RSF1: variants seen among roughly 807,000 people sequenced by gnomAD.
RSF1 encodes HBV pX-associated protein 8.
In RSF1, 13 loss-of-function variants were observed where a neutral mutation model predicts 145.2. The observed-to-expected ratio is 0.09, with a 90% CI of 0.06 to 0.14. RSF1 has a LOEUF of 0.14. Ranked by LOEUF, RSF1 falls within the 10% of genes least tolerant of loss-of-function variation. RSF1 has a pLI of 1.00. For missense variants in RSF1, 1,517 were observed against 1,718.2 expected (o/e 0.88, Z 2.07); for synonymous variants, 577 against 592.6 (o/e 0.97, Z 0.38).
intron 1 of RSF1, among the ~76,000 whole-genome samples, chr11:77,801,214 G>A (rs1417476658): frequency 6.6e-6 from 1 of 151,944 alleles, no homozygotes; most frequent in Non-Finnish European, 1.5e-5. Flanking sequence ...GATCACCTGA[G>A]GTCAGGAGTT....
the RSF1 span, among the ~76,000 whole-genome samples, chr11:77,859,201 G>T: frequency 2.0e-5 from 3 of 152,224 alleles, no homozygotes; most frequent in African/African-American, 7.2e-5. Context: ...GAGTACAGGG[G>T]CTTGGTTTCC....
rs746751005 is a variant in RSF1 at position 77,740,714 on chromosome 11, G to C, written c.578+17C>G. Reference sequence around the variant, plus strand: ...AAAACACACAAATAAGTGTAAAAAGGTTCCAATAAAAGATACCTGACAATG... The same window carrying C: ...AAAACACACAAATAAGTGTAAAAAGCTTCCAATAAAAGATACCTGACAATG... On this transcript the variant is annotated intron_variant, in intron 4 of 15. Coordinates refer to ENST00000308488, the MANE Select transcript of RSF1 (RefSeq NM_016578.4). The C allele has an allele frequency of 6.3e-7, 1 of 1,598,080 alleles. No homozygotes were observed. The highest frequency in any genetic ancestry group is 8.6e-7 in the Non-Finnish European group (1 of 1,165,846).
chr11:77,705,234 G>T (rs189945295), intron 5 of RSF1, among the ~76,000 whole-genome samples: 85 of 152,224 alleles, frequency 5.6e-4, no homozygotes, highest in Middle Eastern at 6.8e-3. Context: ...TTTGTCAAAA[G>T]AAAGTTGTAA....
intron 1 of RSF1, among the ~76,000 whole-genome samples, chr11:77,805,097 C>T (rs1433362231): frequency 6.6e-6 from 1 of 152,072 alleles, no homozygotes; most frequent in Non-Finnish European, 1.5e-5. Flanking sequence ...AAAGGATGTC[C>T]AATAAGTATC....
intron 1 of RSF1, among the ~76,000 whole-genome samples, chr11:77,766,799 C>T (rs1948230789): frequency 6.6e-6 from 1 of 152,078 alleles, no homozygotes. Flanking sequence ...TGGAGGAAGA[C>T]AGATTTTTAA....
upstream of RSF1, chr11:77,821,160 T>A (rs1159219783): frequency 1.0e-5 from 4 of 383,624 alleles, no homozygotes; most frequent in Non-Finnish European, 1.9e-5. Context: ...GGAGCGCAGA[T>A]CCCGAAGCAG....
At position 77,813,401 on chromosome 11, in the gene RSF1, T is replaced by C. The variant is rs569274272; in HGVS notation, c.187+7127A>G. 2,360 of 1,193,884 alleles carry C rather than the reference T, an allele frequency of 2.0e-3. 4 individuals are homozygous for C. Among genetic ancestry groups the C allele is most frequent in the Non-Finnish European group, 2.6e-3 (2,148 of 812,456 alleles). The allele number at this position is 1,193,884 out of a possible 1,614,324, so 74.0% of individuals were successfully genotyped here. A position where few individuals can be genotyped will look rare whatever the true frequency, so the allele number is the denominator to read the frequency against. ...ATCTGCTTAACAATCTCAGAAGGAC[T>C]GTGCAAGTCAATGAGTCGCTTGTGG... On this transcript the variant is annotated intron_variant, in intron 1 of 15. Coordinates refer to ENST00000308488, the MANE Select transcript of RSF1 (RefSeq NM_016578.4).
chr11:77,771,477 T>C (rs1308496074), intron 1 of RSF1, among the ~76,000 whole-genome samples: 1 of 152,156 alleles, frequency 6.6e-6, no homozygotes, highest in Non-Finnish European at 1.5e-5. Flanking sequence ...TGATACAAGA[T>C]GCTGCTACAG....
At chr11:77,762,282 A>C (rs1384834713) in intron 2 of RSF1, 1 of 152,132 alleles carries the variant, frequency 6.6e-6, no homozygotes, top group Non-Finnish European at 1.5e-5. Context: ...TGCAAGATAC[A>C]GCACAATAAC....
At chr11:77,693,477 G>C (rs757434463) in intron 8 of RSF1, 30 bp downstream of exon 8, 23 of 1,386,400 alleles carry the variant, frequency 1.7e-5, no homozygotes, top group Non-Finnish European at 2.4e-5. Context: ...CAAACTCAAA[G>C]ACTAGAAAAA....
At chr11:77,835,825 G>T in the RSF1 span, among the ~76,000 whole-genome samples, 1 of 152,026 alleles carries the variant, frequency 6.6e-6, no homozygotes, top group African/African-American at 2.4e-5. Flanking sequence ...GGTGGCTGAG[G>T]CACAAGAATC....
At chr11:77,671,208 T>TATATAC (rs201762575) in intron 15 of RSF1, among the ~76,000 whole-genome samples, 13,030 of 116,318 alleles carry the variant, frequency 0.11, 1,064 homozygotes, top group Admixed American at 0.17. Context: ...TATATATATA[T>TATATAC]ACACTATATA....
At chr11:77,797,306 A>C (rs1366955218) in intron 1 of RSF1, among the ~76,000 whole-genome samples, 1 of 152,214 alleles carries the variant, frequency 6.6e-6, no homozygotes, top group Non-Finnish European at 1.5e-5. Flanking sequence ...ACTGGTACCA[A>C]AACAGATATA....
chr11:77,686,420 A>AAAAAAAAAAAAAAAAAAAAAAC (rs1960007966), intron 9 of RSF1, among the ~76,000 whole-genome samples: 1 of 149,212 alleles, frequency 6.7e-6, no homozygotes, highest in African/African-American at 2.5e-5. Flanking sequence ...AAAAAAAAAA[A>AAAAAAAAAAAAAAAAAAAAAAC]AAAAAAAAGC....
chr11:77,770,929 TA>T (rs1948276124), intron 1 of RSF1, among the ~76,000 whole-genome samples: 1 of 152,196 alleles, frequency 6.6e-6, no homozygotes, highest in African/African-American at 2.4e-5. Flanking sequence ...TTTAAAGGGA[TA>T]CTCTGCTTAT....
At chr11:77,693,658 T>A (rs1161229273) in intron 7 of RSF1, 47 bp from the exon 8 acceptor site, 2 of 1,347,192 alleles carry the variant, frequency 1.5e-6, no homozygotes, top group South Asian at 2.4e-5. Flanking sequence ...TAAAATTCAA[T>A]GACTCTTAGG....
At chr11:77,867,898 T>G in the RSF1 span, among the ~76,000 whole-genome samples, 1 of 152,070 alleles carries the variant, frequency 6.6e-6, no homozygotes, top group Non-Finnish European at 1.5e-5. Context: ...ATTAGGAAGT[T>G]CAGAAAAAAA....
At chr11:77,813,834 C>CACACAA in intron 1 of RSF1, 1 of 199,288 alleles carries the variant, frequency 5.0e-6, no homozygotes, top group Non-Finnish European at 1.0e-5. Flanking sequence ...CACACACACA[C>CACACAA]ACACACACAC....
intron 11 of RSF1, among the ~76,000 whole-genome samples, chr11:77,682,877 T>C (rs752175589): frequency 2.0e-5 from 3 of 149,152 alleles, no homozygotes; most frequent in East Asian, 1.9e-4. Flanking sequence ...GTAAACAGCA[T>C]GTGCAAAGGG....
Sources: allele counts gnomAD v4.1 joint callset (sites outside exome capture counted in the v4.1 genomes callset), GRCh38; gene constraint gnomAD v4.1.1; transcripts MANE v1.5; gene names NCBI Gene and HGNC (gene_info 2026-07-23, HGNC 2026-07-21).